Variants in NEURL4 observed in about 807,000 individuals in gnomAD.
NEURL4 encodes the protein neuralized E3 ubiquitin protein ligase 4, also known as neuralized-like protein 4.
Under a neutral mutation model 148.0 loss-of-function variants are expected in NEURL4, and 45 were observed. The ratio of observed to expected loss-of-function variants is 0.30; its 90% CI spans 0.24 to 0.39. NEURL4 has a LOEUF of 0.39. Among genes scored for constraint, NEURL4 ranks in the 10% least tolerant of loss-of-function variants. The probability of loss-of-function intolerance (pLI) is 1.00; values close to 1 mark genes in which losing one functional copy is unlikely to be tolerated. For synonymous variants in NEURL4, 854 were observed against 869.0 expected (o/e 0.98, Z 0.30); for missense variants, 1,776 against 2,144.0 (o/e 0.83, Z 3.39).
In NEURL4 at chr17:7,326,930, G is replaced by T; in HGVS notation, c.873C>A (p.Asn291Lys). 6.2e-7 allele frequency: 1 copy of T among 1,613,988 alleles called. No homozygotes were observed. Among genetic ancestry groups the T allele is most frequent in the Non-Finnish European group, 8.5e-7 (1 of 1,180,024 alleles). The change falls in exon 4 of 29, where the codon AAC becomes AAA. Residue 291 changes from asparagine to lysine, a missense_variant. Coordinates refer to ENST00000399464, the MANE Select transcript of NEURL4 (RefSeq NM_032442.3). This position sits in a 1 kb window ranked among gnomAD's most constrained non-coding sequence, Gnocchi z 6.0. Reference sequence around the variant, plus strand: ...CTTCCCCTGCCGGTGGGGAGCTCAGGTTCACATTCAGGAGCCCTCCATTGT... The same window carrying T: ...CTTCCCCTGCCGGTGGGGAGCTCAGTTTCACATTCAGGAGCCCTCCATTGT... ...SAYNGGLLNV[N>K]LSSPPAGEGL...
rs2143013649 is a variant in NEURL4 at position 7,327,564 on chromosome 17, C to A, written c.603G>T (p.Gln201His). The A allele has an allele frequency of 6.2e-7, 1 of 1,611,170 alleles. No individual in the cohort carries two copies. The highest frequency in any genetic ancestry group is 2.2e-5 in the East Asian group (1 of 44,866). The change falls in exon 2 of 29, where the codon CAG becomes CAT. Residue 201 changes from glutamine to histidine, a missense_variant. Physicochemically the swap from Gln to His is conservative, Grantham distance 24. Coordinates refer to ENST00000399464, the MANE Select transcript of NEURL4 (RefSeq NM_032442.3). The surrounding 1 kb of genome is among the most constrained non-coding windows in gnomAD (Gnocchi z 6.6). Reference protein sequence around the residue: ...AVVDLYGKCTQITVLPPEPGF... With the variant: ...AVVDLYGKCTHITVLPPEPGF... ...CTGGCTCAGGGGGTAGCACGGTGAT[C>A]TGGGTGCACTTGCCATAAAGGTCCA...
At position 7,322,508 on chromosome 17, in the gene NEURL4, C is replaced by G. The variant is rs1053450155; in HGVS notation, c.2725+227G>C. Among the ~76,000 whole-genome samples the G allele has an allele frequency of 3.3e-5, 5 of 152,166 alleles. No homozygotes were observed. The highest frequency in any genetic ancestry group is 2.6e-4 in the Admixed American group (4 of 15,282). On this transcript the variant is annotated intron_variant, in intron 16 of 28. Coordinates refer to ENST00000399464, the MANE Select transcript of NEURL4 (RefSeq NM_032442.3). The surrounding 1 kb of genome is among the most constrained non-coding windows in gnomAD (Gnocchi z 5.5). ...GGCCCATTTCCAAACCTGGCATGCTCAGCTTATGGTGTCCTGGCCCCTTGG... is the reference window on the plus strand; with the variant it reads ...GGCCCATTTCCAAACCTGGCATGCTGAGCTTATGGTGTCCTGGCCCCTTGG...
In NEURL4 at chr17:7,327,334, C is replaced by T. The variant is rs2073115737; in HGVS notation, c.728-104G>A. 6.9e-7 allele frequency: 1 copy of T among 1,449,030 alleles called. No individual in the cohort carries two copies. Among genetic ancestry groups the T allele is most frequent in the Non-Finnish European group, 9.3e-7 (1 of 1,072,652 alleles). The allele number at this position is 1,449,030 out of a possible 1,614,324, so 89.8% of individuals were successfully genotyped here. On this transcript the variant is annotated intron_variant, in intron 2 of 28. Transcript: ENST00000399464. This position sits in a 1 kb window ranked among gnomAD's most constrained non-coding sequence, Gnocchi z 6.6. The stretch of plus-strand genomic sequence containing the variant: ...CTCTAGCTCCTGCTCTCCCATTCAA[C>T]AGACTTGGGGATCAGGGTGGCCCTG...
rs752023417 is a variant in NEURL4 at position 7,323,869 on chromosome 17, C to T, written c.2206G>A (p.Ala736Thr). The stretch of plus-strand genomic sequence containing the variant: ...TCGCTGCGACAGTTGTGGCGGAGGG[C>T]GGTGCGGCCCCCGTTAGTGATGACT... ...NAVITNGGRT[A>T]LRHNCRSEFN... The change falls in exon 12 of 29, where the codon GCC becomes ACC. Residue 736 changes from alanine to threonine, a missense_variant. Transcript: ENST00000399464. 12 of 1,613,864 alleles carry T rather than the reference C, an allele frequency of 7.4e-6. No individual in the cohort carries two copies. Among genetic ancestry groups the T allele is most frequent in the African/African-American group, 1.3e-5 (1 of 74,930 alleles).
In NEURL4 at chr17:7,324,343, C is replaced by T. The variant is rs546719755; in HGVS notation, c.1899+52G>A. The T allele has an allele frequency of 1.7e-4, 271 of 1,613,816 alleles. No individual in the cohort carries two copies. Among genetic ancestry groups the T allele is most frequent in the Middle Eastern group, 9.9e-4 (6 of 6,062 alleles). On this transcript the variant is annotated intron_variant, in intron 10 of 28. Coordinates refer to ENST00000399464, the MANE Select transcript of NEURL4 (RefSeq NM_032442.3). This position sits in a 1 kb window ranked among gnomAD's most constrained non-coding sequence, Gnocchi z 5.9. ...CGGGGCTGGTCCTGCATCAGCCCCGCGGTGTTTGTGATGCCCGCTGCGGCC... is the reference window on the plus strand; with the variant it reads ...CGGGGCTGGTCCTGCATCAGCCCCGTGGTGTTTGTGATGCCCGCTGCGGCC...
rs773731764 is a variant in NEURL4 at position 7,324,996 on chromosome 17, G to A, written c.1632-16C>T. 6.2e-6 allele frequency: 10 copies of A among 1,613,306 alleles called. No individual in the cohort carries two copies. Among genetic ancestry groups the A allele is most frequent in the Non-Finnish European group, 8.5e-6 (10 of 1,179,530 alleles). On this transcript the variant is annotated splice_polypyrimidine_tract_variant and intron_variant, in intron 8 of 28. Transcript: ENST00000399464. This position sits in a 1 kb window ranked among gnomAD's most constrained non-coding sequence, Gnocchi z 5.9. ...ATCGGTGGCACTGAGGGCACAGCAA[G>A]TGGAGAGTCAGATCCCCAACACACG...
At position 7,317,455 on chromosome 17, in the gene NEURL4, C is replaced by A; in HGVS notation, c.4318+6G>T. 3 of 1,614,142 alleles carry A rather than the reference C, an allele frequency of 1.9e-6. No individual in the cohort carries two copies. Among genetic ancestry groups the A allele is most frequent in the Non-Finnish European group, 2.5e-6 (3 of 1,179,966 alleles). Reference sequence around the variant, plus strand: ...GCCCACCTTGCATGGGCCTACTCGCCAGTACCTGCTCCCAGCTCCCCTCGG... The same window carrying A: ...GCCCACCTTGCATGGGCCTACTCGCAAGTACCTGCTCCCAGCTCCCCTCGG... On this transcript the variant is annotated splice_donor_region_variant and intron_variant, in intron 27 of 28. Coordinates refer to ENST00000399464, the MANE Select transcript of NEURL4 (RefSeq NM_032442.3).
chr17:7,319,846 T>C (rs762124516), intron 21 of NEURL4, among the ~76,000 whole-genome samples: 102 of 152,136 alleles, frequency 6.7e-4, no homozygotes, highest in Non-Finnish European at 1.1e-3. Context: ...TTTTTTTTTA[T>C]TGAGACGGAG....
rs923993455 is a variant in NEURL4 at position 7,319,457 on chromosome 17, T to C, written c.3526-249A>G. Among the ~76,000 whole-genome samples, 2 of 147,530 alleles carry C rather than the reference T, an allele frequency of 1.4e-5. 1 individual carries two copies. The highest frequency in any genetic ancestry group is 1.4e-4 in the Admixed American group (2 of 14,438). On this transcript the variant is annotated intron_variant, in intron 21 of 28. Coordinates refer to ENST00000399464, the MANE Select transcript of NEURL4 (RefSeq NM_032442.3). ...TGACCCACACTGTAATCCCAGCACT[T>C]TGGGAGGCTGAGGTGGGTGGATCAC...
intron 21 of NEURL4, among the ~76,000 whole-genome samples, chr17:7,319,844 T>C (rs1334701854): frequency 6.6e-6 from 1 of 152,136 alleles, no homozygotes; most frequent in East Asian, 1.9e-4. Context: ...TCTTTTTTTT[T>C]ATTGAGACGG....
Position 7,320,810 on chromosome 17 carries a change from ATT to A in NEURL4, c.3472_3473del (p.Asn1158SerfsTer41). On this transcript the variant is annotated frameshift_variant, in exon 21 of 29. Transcript: ENST00000399464. LOFTEE classifies it high-confidence loss of function. ...NRTATRVASY[N>X]QGIVVINQPL... ...GTTGGTTGATGACAACGATGCCCTG[ATT>A]GTAGCTGGCCACCCGTGTGGCCGTA... 6.2e-7 allele frequency: 1 copy of A among 1,614,120 alleles called. No individual in the cohort carries two copies. Among genetic ancestry groups the A allele is most frequent in the Non-Finnish European group, 8.5e-7 (1 of 1,179,994 alleles).
At position 7,327,977 on chromosome 17, in the gene NEURL4, T is replaced by A; in HGVS notation, c.283-93A>T. 3.0e-6 allele frequency: 3 copies of A among 1,003,700 alleles called. No individual in the cohort carries two copies. The highest frequency in any genetic ancestry group is 4.3e-6 in the Non-Finnish European group (3 of 698,464). The allele number at this position is 1,003,700 out of a possible 1,614,324, so 62.2% of individuals were successfully genotyped here. A position where few individuals can be genotyped will look rare whatever the true frequency, so the allele number is the denominator to read the frequency against. On this transcript the variant is annotated intron_variant, in intron 1 of 28. Transcript: ENST00000399464. This position sits in a 1 kb window ranked among gnomAD's most constrained non-coding sequence, Gnocchi z 6.6. ...CCCACCTCTCAGACAGCTAGCTGGC[T>A]TTCTGTCTCTTGGAACACTAATCCA... is the stretch of plus-strand genomic sequence containing the variant.
At chr17:7,320,687 C>A in intron 21 of NEURL4, 72 bp downstream of exon 21, 4 of 1,424,160 alleles carry the variant, frequency 2.8e-6, no homozygotes, top group Non-Finnish European at 2.9e-6. Flanking sequence ...CACAAAAAGG[C>A]CTTTTTTCAG....
chr17:7,320,187 C>T (rs1019630791), intron 21 of NEURL4, among the ~76,000 whole-genome samples: 6 of 151,114 alleles, frequency 4.0e-5, no homozygotes, highest in Admixed American at 6.6e-5. Flanking sequence ...GGCTAGAGTG[C>T]GGTGGCGTGA....
At position 7,319,374 on chromosome 17, in the gene NEURL4, CT is replaced by C. The variant is rs374281551; in HGVS notation, c.3526-167del. Among the ~76,000 whole-genome samples the C allele has an allele frequency of 6.4e-3, 731 of 113,622 alleles. 8 individuals carry two copies. The highest frequency in any genetic ancestry group is 0.02 in the African/African-American group (469 of 22,940). The allele number at this position is 113,622 out of a possible 152,430, so 74.5% of individuals were successfully genotyped here. On this transcript the variant is annotated intron_variant, in intron 21 of 28. Coordinates refer to ENST00000399464, the MANE Select transcript of NEURL4 (RefSeq NM_032442.3). ...CGCTAATTTAGTTGTTTCTTTCCCT[CT>C]TTTTTTTTTTTTTTTTTTTTTTTTT...
At position 7,328,009 on chromosome 17, in the gene NEURL4, C is replaced by T. The variant is rs542194578; in HGVS notation, c.283-125G>A. 3.3e-4 allele frequency: 239 copies of T among 733,864 alleles called. 1 individual carries two copies. The highest frequency in any genetic ancestry group is 4.7e-4 in the Non-Finnish European group (215 of 459,522). The allele number at this position is 733,864 out of a possible 1,614,324, so 45.5% of individuals were successfully genotyped here. A position where few individuals can be genotyped will look rare whatever the true frequency, so the allele number is the denominator to read the frequency against. On this transcript the variant is annotated intron_variant, in intron 1 of 28. Coordinates refer to ENST00000399464, the MANE Select transcript of NEURL4 (RefSeq NM_032442.3). The stretch of plus-strand genomic sequence containing the variant: ...CTCTTGGAACACTAATCCAGAGATG[C>T]AGACAGTGATTTTCTGGACTCCGTC...
At position 7,321,830 on chromosome 17, in the gene NEURL4, C is replaced by T. The variant is rs3809814; in HGVS notation, c.2871+35G>A. On this transcript the variant is annotated intron_variant, in intron 17 of 28. Coordinates refer to ENST00000399464, the MANE Select transcript of NEURL4 (RefSeq NM_032442.3). This position sits in a 1 kb window ranked among gnomAD's most constrained non-coding sequence, Gnocchi z 6.3. Reference sequence around the variant, plus strand: ...CATAAGCTGGCCCTGTCGTGATGGGCCTCGCAGCCCCTCTGTCACATCACT... The same window carrying T: ...CATAAGCTGGCCCTGTCGTGATGGGTCTCGCAGCCCCTCTGTCACATCACT... The T allele has an allele frequency of 6.2e-7, 1 of 1,610,480 alleles. No individual in the cohort carries two copies. The highest frequency in any genetic ancestry group is 1.7e-4 in the Middle Eastern group (1 of 6,050).
intron 28 of NEURL4, among the ~76,000 whole-genome samples, chr17:7,317,003 G>A (rs751943526): frequency 7.6e-4 from 116 of 152,172 alleles, no homozygotes; most frequent in Non-Finnish European, 1.4e-3. Flanking sequence ...TTCCACAAGA[G>A]CAAGGTTCCT....
intron 6 of NEURL4, among the ~76,000 whole-genome samples, 173 bp from the exon 7 acceptor site, chr17:7,325,886 G>A (rs1048842524): frequency 1.3e-5 from 2 of 152,166 alleles, no homozygotes; most frequent in South Asian, 2.1e-4. Context: ...AATGCTCCAC[G>A]TGAGTCAGGC....
Sources: gnomAD v4.1 joint callset for allele counts (sites outside exome capture counted in the v4.1 genomes callset) on GRCh38, gnomAD v4.1.1 for gene constraint, Gnocchi (gnomAD v3.1) non-coding constraint, MANE v1.5 for transcripts, NCBI Gene and HGNC (gene_info 2026-07-23, HGNC 2026-07-21) for gene names.